RTN4: variants seen among roughly 807,000 people sequenced by gnomAD.
RTN4 encodes reticulon-4.
In RTN4, 32 loss-of-function variants were observed where a neutral mutation model predicts 90.4. The ratio of observed to expected loss-of-function variants is 0.35; its 90% CI spans 0.27 to 0.48. The LOEUF (loss-of-function observed/expected upper bound fraction) is 0.48, where lower values mean the gene tolerates loss of function less well. Among genes scored for constraint, RTN4 ranks in the 20% least tolerant of loss-of-function variants. RTN4 has a pLI of 0.99. For synonymous variants in RTN4, 629 were observed against 552.5 expected (o/e 1.14, Z -1.94); for missense variants, 1,706 against 1,430.2 (o/e 1.19, Z -3.11).
At chr2:55,090,698 G>A (rs757458598) in intron 1 of RTN4, among the ~76,000 whole-genome samples, 7 of 152,124 alleles carry the variant, frequency 4.6e-5, no homozygotes, top group Non-Finnish European at 7.3e-5. Flanking sequence ...CCTGTCTTCC[G>A]CACTGACCCA....
In RTN4 at chr2:55,072,242, T is replaced by C. The variant is rs866869953; in HGVS notation, c.-63+8247A>G. On this transcript the variant is annotated intron_variant, in intron 2 of 3. Coordinates refer to the RTN4 transcript ENST00000427710. ...TTATATTTTCTTTTCTTTTCTTTTT[T>C]TTTTTGAGGCAGAGCCTCGTTCTGT... Among the ~76,000 whole-genome samples, 195 of 152,228 alleles carry C rather than the reference T, an allele frequency of 1.3e-3. 2 individuals carry two copies. The highest frequency in any genetic ancestry group is 6.2e-3 in the East Asian group (32 of 5,190).
chr2:55,021,337 T>C (rs1681414944), intron 3 of RTN4, among the ~76,000 whole-genome samples: 1 of 152,116 alleles, frequency 6.6e-6, no homozygotes, highest in African/African-American at 2.4e-5. Flanking sequence ...CTGTACCAGC[T>C]GGCTGTAAGT....
chr2:55,132,356 A>C, the RTN4 span, among the ~76,000 whole-genome samples: 1 of 151,980 alleles, frequency 6.6e-6, no homozygotes, highest in African/African-American at 2.4e-5. Flanking sequence ...TACAAAAATT[A>C]GCCGGGTGTG....
At chr2:55,136,733 G>C in the RTN4 span, among the ~76,000 whole-genome samples, 1 of 152,178 alleles carries the variant, frequency 6.6e-6, no homozygotes, top group Non-Finnish European at 1.5e-5. Flanking sequence ...TTTTAACGTT[G>C]TTTAAAAATG....
chr2:55,102,659 G>C (rs895016213), intron 1 of RTN4, among the ~76,000 whole-genome samples: 1 of 152,020 alleles, frequency 6.6e-6, no homozygotes, highest in Non-Finnish European at 1.5e-5. Flanking sequence ...CATGGTGCTT[G>C]GGATCTGCTG....
At position 54,992,143 on chromosome 2, in the gene RTN4, G is replaced by A. The variant is rs868808900; in HGVS notation, c.3014-4445C>T. Among the ~76,000 whole-genome samples the A allele has an allele frequency of 3.9e-5, 6 of 152,238 alleles. No homozygotes were observed. The South Asian group carries it at 1.2e-3, about 32-fold the overall frequency. Reference sequence around the variant, plus strand: ...GTTTGAGACCAGGCTGGGAAACACAGAGACCCCTCATCTCTTAAACAAACA... The same window carrying A: ...GTTTGAGACCAGGCTGGGAAACACAAAGACCCCTCATCTCTTAAACAAACA... On this transcript the variant is annotated intron_variant, in intron 3 of 8. Coordinates refer to ENST00000337526, the MANE Select transcript of RTN4 (RefSeq NM_020532.5).
intron 2 of RTN4, among the ~76,000 whole-genome samples, chr2:55,074,641 A>G (rs1668571132): frequency 6.6e-6 from 1 of 152,150 alleles, no homozygotes; most frequent in South Asian, 2.1e-4. Flanking sequence ...AAAACTGCAG[A>G]CCAATATCCC....
chr2:55,128,657 T>C, the RTN4 span, among the ~76,000 whole-genome samples: 16 of 152,140 alleles, frequency 1.1e-4, no homozygotes, highest in African/African-American at 3.9e-4. Flanking sequence ...CCAGGCAACA[T>C]AGCAACTCAC....
At chr2:55,078,623 C>T (rs889318616) in intron 2 of RTN4, among the ~76,000 whole-genome samples, 1 of 152,158 alleles carries the variant, frequency 6.6e-6, no homozygotes. Context: ...AGATACTATC[C>T]TGTGAGTTGT....
chr2:55,106,732 C>T (rs1400489430), intron 1 of RTN4, among the ~76,000 whole-genome samples: 2 of 152,048 alleles, frequency 1.3e-5, no homozygotes. Flanking sequence ...GTTGGCTAGG[C>T]TGGTCTCGAA....
Position 54,972,923 on chromosome 2 carries a change from T to G in RTN4, c.*233A>C. On this transcript the variant is annotated 3_prime_UTR_variant, in exon 9 of 9. Coordinates refer to ENST00000337526, the MANE Select transcript of RTN4 (RefSeq NM_020532.5). ...GCCTCAGATAGATAGGAAAAAGATA[T>G]GATTACGGTTTAAATCCATACATAG... 2.6e-6 allele frequency: 1 copy of G among 386,162 alleles called. No individual in the cohort carries two copies. Among genetic ancestry groups the G allele is most frequent in the Non-Finnish European group, 4.6e-6 (1 of 216,594 alleles). 23.9% of individuals were successfully genotyped at this position (386,162 alleles called of 1,614,324 possible).
intron 1 of RTN4, among the ~76,000 whole-genome samples, chr2:55,095,660 C>G (rs77648465): frequency 0.013 from 2,033 of 152,192 alleles, 42 homozygotes; most frequent in African/African-American, 0.046. Context: ...CCCCTGACTC[C>G]CCTAAATAGC....
chr2:55,007,383 C>T (rs1290008169), intron 3 of RTN4, among the ~76,000 whole-genome samples: 1 of 152,104 alleles, frequency 6.6e-6, no homozygotes, highest in Non-Finnish European at 1.5e-5. Flanking sequence ...TATCATTTAC[C>T]ATTCCCTACT....
At chr2:55,131,604 C>T in the RTN4 span, among the ~76,000 whole-genome samples, 2 of 152,192 alleles carry the variant, frequency 1.3e-5, no homozygotes, top group African/African-American at 4.8e-5. Flanking sequence ...AAAACATTGG[C>T]AGGGCACGGT....
chr2:55,001,591 G>A (rs1679854595), intron 3 of RTN4, among the ~76,000 whole-genome samples: 1 of 152,160 alleles, frequency 6.6e-6, no homozygotes, highest in African/African-American at 2.4e-5. Context: ...TGTCTTGTCA[G>A]ATAAAACCAC....
At chr2:55,014,716 C>A (rs1483274984) in intron 3 of RTN4, among the ~76,000 whole-genome samples, 1 of 152,054 alleles carries the variant, frequency 6.6e-6, no homozygotes, top group Non-Finnish European at 1.5e-5. Flanking sequence ...GAGGATTCAC[C>A]ATGTTGGCCA....
chr2:55,027,396 G>A lies in RTN4; in HGVS notation c.703C>T (p.Leu235Phe), dbSNP rs201178485. The A allele has an allele frequency of 8.1e-6, 13 of 1,613,722 alleles. No homozygotes were observed. Among genetic ancestry groups the A allele is most frequent in the Non-Finnish European group, 1.1e-5 (13 of 1,179,762 alleles). The change falls in exon 3 of 9, where the codon CTT becomes TTT. Residue 235 changes from leucine (L) to phenylalanine (F), a missense_variant. Coordinates refer to ENST00000337526, the MANE Select transcript of RTN4 (RefSeq NM_020532.5). ...PSVLLETAAS[L>F]PSLSPLSAAS... ...GCTGAGAGAGGAGACAGAGAAGGAA[G>A]AGAAGCAGCAGTTTCAAGCAGGACA...
intron 4 of RTN4, among the ~76,000 whole-genome samples, chr2:54,985,153 C>CT (rs71769973): frequency 0.077 from 4,453 of 57,894 alleles, 1,199 homozygotes; most frequent in Non-Finnish European, 0.082. Flanking sequence ...ATGACTCGGC[C>CT]TTTTTTTTTT....
In RTN4 at chr2:54,981,962, A is replaced by AT. The variant is rs567337289; in HGVS notation, c.3360+552dup. On this transcript the variant is annotated intron_variant, in intron 5 of 8. Transcript: ENST00000337526. ...GAAAGTATTACTATATATATATATA[A>AT]TTTTTTTTTGAGACAGAGTTTCACT... Among the ~76,000 whole-genome samples the AT allele has an allele frequency of 1.7e-4, 25 of 149,102 alleles. No individual in the cohort carries two copies. In the South Asian group the frequency reaches 3.2e-3, roughly 19 times the overall value.
Sources: allele counts gnomAD v4.1 joint callset (sites outside exome capture counted in the v4.1 genomes callset), GRCh38; gene constraint gnomAD v4.1.1; transcripts MANE v1.5; gene names NCBI Gene and HGNC (gene_info 2026-07-23, HGNC 2026-07-21).